The following SCEL variants were observed in gnomAD, a reference collection of about 807,000 sequenced individuals.
SCEL encodes the protein sciellin.
Under a neutral mutation model 117.6 loss-of-function variants are expected in SCEL, and 113 were observed. The ratio of observed to expected loss-of-function variants is 0.96; its 90% CI spans 0.83 to 1.12. The LOEUF is 1.12. Ranked by LOEUF, SCEL falls within the 50% of genes most tolerant of loss-of-function variation. The pLI, the probability that SCEL is intolerant of heterozygous loss-of-function variation, is 0.00. For missense variants in SCEL, 785 were observed against 810.8 expected (o/e 0.97, Z 0.39); for synonymous variants, 270 against 256.2 (o/e 1.05, Z -0.51).
At chr13:77,609,151 A>G (rs1041247548) in intron 21 of SCEL, 34 bp downstream of exon 21, 9 of 1,458,296 alleles carry the variant, frequency 6.2e-6, no homozygotes, top group Admixed American at 2.1e-5. Flanking sequence ...TTTGTTTCAT[A>G]GTAACCAATG....
At chr13:77,599,927 C>G in intron 15 of SCEL, 179 bp downstream of exon 15, 2 of 569,966 alleles carry the variant, frequency 3.5e-6, no homozygotes, top group Non-Finnish European at 6.3e-6. Flanking sequence ...TCTGGGTGAC[C>G]CTGGGCAAGT....
At chr13:77,594,034 G>A (rs2087075279) in intron 12 of SCEL, among the ~76,000 whole-genome samples, 1 of 151,492 alleles carries the variant, frequency 6.6e-6, no homozygotes, top group South Asian at 2.1e-4. Flanking sequence ...CCCTTAAGTA[G>A]TATCATGCAT....
At position 77,559,302 on chromosome 13, in the gene SCEL, A is replaced by T. The variant is rs144047775; in HGVS notation, c.162-502A>T. 1.8e-3 allele frequency among the ~76,000 whole-genome samples: 281 copies of T among 152,366 alleles called. 7 individuals are homozygous for T. In the East Asian group the frequency reaches 0.021, roughly 11 times the overall value. ...CAAAAGTAGGCTAGGTCTCCTGTGA[A>T]TTATAAATCTCCTTAACCACAAATA... On this transcript the variant is annotated intron_variant, in intron 3 of 32. Coordinates refer to ENST00000349847, the MANE Select transcript of SCEL (RefSeq NM_144777.3).
At chr13:77,585,578 A>G (rs867368803) in intron 9 of SCEL, among the ~76,000 whole-genome samples, 1 of 152,080 alleles carries the variant, frequency 6.6e-6, no homozygotes, top group Non-Finnish European at 1.5e-5. Context: ...GAGACCCACC[A>G]TGCTTGGTGC....
At chr13:77,605,315 T>G (rs1305479401) in intron 19 of SCEL, among the ~76,000 whole-genome samples, 2 of 152,180 alleles carry the variant, frequency 1.3e-5, no homozygotes, top group Non-Finnish European at 2.9e-5. Flanking sequence ...ATGCCTGCCC[T>G]GTTTGTGTAG....
chr13:77,599,382 A>T lies in SCEL; in HGVS notation c.851A>T (p.Glu284Val), dbSNP rs769179225. ...FRANPKVEER[E>V]KRAKSLESLI... ...GCAAATCCAAAGGTAGAAGAAAGAGAGAAAAGGTAAGTGCATCTGTCTCAA... is the reference window on the plus strand; with the variant it reads ...GCAAATCCAAAGGTAGAAGAAAGAGTGAAAAGGTAAGTGCATCTGTCTCAA... The change falls in exon 14 of 33, where the codon GAG becomes GTG. Residue 284 changes from glutamate (E) to valine (V), a missense_variant. Coordinates refer to ENST00000349847, the MANE Select transcript of SCEL (RefSeq NM_144777.3). 34 of 1,611,548 alleles carry T rather than the reference A, an allele frequency of 2.1e-5. No individual in the cohort carries two copies. Among genetic ancestry groups the T allele is most frequent in the South Asian group, 1.2e-4 (11 of 90,890 alleles).
chr13:77,583,184 G>T (rs2086363769), intron 9 of SCEL, among the ~76,000 whole-genome samples: 1 of 152,310 alleles, frequency 6.6e-6, no homozygotes, highest in African/African-American at 2.4e-5. Context: ...CCTTATTCAT[G>T]TAGTGGTTTA....
chr13:77,605,584 G>A (rs2088102310), intron 19 of SCEL, among the ~76,000 whole-genome samples: 1 of 152,124 alleles, frequency 6.6e-6, no homozygotes, highest in African/African-American at 2.4e-5. Flanking sequence ...CGGGCACATA[G>A]TAGATACAAG....
chr13:77,567,437 G>C (rs1458129505), intron 5 of SCEL, among the ~76,000 whole-genome samples: 1 of 152,144 alleles, frequency 6.6e-6, no homozygotes, highest in Admixed American at 6.5e-5. Context: ...CTGGGCAACA[G>C]AGCAAGACTC....
intron 9 of SCEL, among the ~76,000 whole-genome samples, chr13:77,581,062 C>A (rs772737149): frequency 1.5e-4 from 23 of 152,122 alleles, no homozygotes; most frequent in Non-Finnish European, 3.4e-4. Flanking sequence ...TCTATTGGTA[C>A]CAAATCCTCT....
intron 4 of SCEL, 30 bp downstream of exon 4, chr13:77,559,893 C>T (rs1793759291): frequency 1.3e-6 from 2 of 1,575,996 alleles, no homozygotes; most frequent in Non-Finnish European, 1.7e-6. Flanking sequence ...ACATCATGAG[C>T]AGAAACACAA....
intron 30 of SCEL, among the ~76,000 whole-genome samples, chr13:77,637,412 A>AT: frequency 6.2e-5 from 2 of 32,476 alleles, no homozygotes; most frequent in Non-Finnish European, 1.7e-4. Flanking sequence ...ATATATAAAT[A>AT]AATATATATA....
At chr13:77,549,662 A>T (rs2084191689) in intron 1 of SCEL, among the ~76,000 whole-genome samples, 1 of 152,178 alleles carries the variant, frequency 6.6e-6, no homozygotes, top group Non-Finnish European at 1.5e-5. Context: ...TATATTATTT[A>T]CGTGGCTTCT....
intron 22 of SCEL, among the ~76,000 whole-genome samples, chr13:77,611,407 A>AC (rs2154403062): frequency 1.3e-5 from 2 of 152,324 alleles, no homozygotes; most frequent in South Asian, 4.1e-4. Context: ...AATACAGCCT[A>AC]CCACCCCCCT....
intron 1 of SCEL, among the ~76,000 whole-genome samples, chr13:77,541,717 C>A (rs1225715959): frequency 6.6e-6 from 1 of 151,618 alleles, no homozygotes; most frequent in East Asian, 1.9e-4. Context: ...TTTTTTTTTC[C>A]TTTCTTTATG....
intron 27 of SCEL, among the ~76,000 whole-genome samples, chr13:77,619,689 T>A (rs2089303694): frequency 6.6e-6 from 1 of 152,184 alleles, no homozygotes; most frequent in African/African-American, 2.4e-5. Context: ...CGTACGGAAA[T>A]ATCTTTGTTA....
chr13:77,630,605 T>G (rs145111221), intron 28 of SCEL, among the ~76,000 whole-genome samples: 1 of 152,346 alleles, frequency 6.6e-6, no homozygotes, highest in Non-Finnish European at 1.5e-5. Context: ...TTTGAGGAAC[T>G]GCTAGACTGT....
At chr13:77,594,804 A>G (rs1567394145) in intron 12 of SCEL, among the ~76,000 whole-genome samples, 1 of 152,226 alleles carries the variant, frequency 6.6e-6, no homozygotes, top group Non-Finnish European at 1.5e-5. Context: ...AGATTTTAGT[A>G]ATGCTAAGAG....
chr13:77,601,242 T>C (rs1187179458), intron 15 of SCEL, among the ~76,000 whole-genome samples: 1 of 152,118 alleles, frequency 6.6e-6, no homozygotes, highest in East Asian at 1.9e-4. Flanking sequence ...GATGTGCATC[T>C]TAAGTAGATC....
Sources: allele counts gnomAD v4.1 joint callset (sites outside exome capture counted in the v4.1 genomes callset), GRCh38; gene constraint gnomAD v4.1.1; transcripts MANE v1.5; gene names NCBI Gene and HGNC (gene_info 2026-07-23, HGNC 2026-07-21).